Variants in ZNF385B observed in about 807,000 individuals in gnomAD.
ZNF385B encodes zinc finger protein 385B.
ZNF385B carries 23 observed loss-of-function variants against 39.2 expected under a neutral mutation model. The observed-to-expected ratio is 0.59, with a 90% CI of 0.42 to 0.83. The LOEUF (loss-of-function observed/expected upper bound fraction) is 0.83. ZNF385B is among the 40% of genes least tolerant of loss of function. The probability of loss-of-function intolerance (pLI) is 0.00; values close to 1 mark genes in which losing one functional copy is unlikely to be tolerated. For missense variants in ZNF385B, 552 were observed against 598.9 expected, an observed-to-expected ratio of 0.92 and a Z score of 0.82; for synonymous variants, 205 against 222.6, an observed-to-expected ratio of 0.92 and a Z score of 0.70.
chr2:179,516,532 C>A (rs1050616613), intron 5 of ZNF385B, among the ~76,000 whole-genome samples: 19 of 152,026 alleles, frequency 1.2e-4, no homozygotes, highest in Non-Finnish European at 1.5e-5. Context: ...AATCGTTAAA[C>A]ATGTTGAGCA....
chr2:179,789,856 T>C (rs1001517896), intron 1 of ZNF385B, among the ~76,000 whole-genome samples: 19 of 152,026 alleles, frequency 1.2e-4, no homozygotes, highest in African/African-American at 4.1e-4. Context: ...GAAATGGAAA[T>C]ATAAGGAAAT....
chr2:179,474,108 T>TAA (rs10715636), intron 6 of ZNF385B, among the ~76,000 whole-genome samples: 189 of 146,670 alleles, frequency 1.3e-3, no homozygotes, highest in African/African-American at 4.1e-3. Context: ...CAATTTGATT[T>TAA]AAAAAAAAAA....
chr2:179,792,370 C>CTTTTTTTTTTTTTTTTTTTTTTTTTT (rs1346808450), intron 1 of ZNF385B, among the ~76,000 whole-genome samples: 1 of 70,692 alleles, frequency 1.4e-5, no homozygotes. Context: ...ATTTCATTTT[C>CTTTTTTTTTTTTTTTTTTTTTTTTTT]TTTTCTTTTT....
chr2:179,780,076 T>C (rs1260208375), intron 1 of ZNF385B, among the ~76,000 whole-genome samples: 2 of 152,044 alleles, frequency 1.3e-5, no homozygotes, highest in East Asian at 1.9e-4. Context: ...GTGATTCTAA[T>C]GGGCAGCCAA....
chr2:179,765,605 C>T (rs1703641984), intron 3 of ZNF385B, among the ~76,000 whole-genome samples: 1 of 152,208 alleles, frequency 6.6e-6, no homozygotes, highest in Non-Finnish European at 1.5e-5. Context: ...CCCAGTCTAA[C>T]AGAAAAGACT....
intron 3 of ZNF385B, among the ~76,000 whole-genome samples, chr2:179,713,011 C>T (rs1316872434): frequency 6.6e-6 from 1 of 152,142 alleles, no homozygotes; most frequent in African/African-American, 2.4e-5. Flanking sequence ...CAGTCAACCA[C>T]GTGATCAGGA....
chr2:179,801,456 T>C (rs1706027930), intron 1 of ZNF385B, among the ~76,000 whole-genome samples: 1 of 152,072 alleles, frequency 6.6e-6, no homozygotes, highest in South Asian at 2.1e-4. Flanking sequence ...AGGGCATATT[T>C]GTTGGTGTAC....
intron 1 of ZNF385B, among the ~76,000 whole-genome samples, chr2:179,854,411 T>G (rs1684417101): frequency 6.6e-6 from 1 of 152,146 alleles, no homozygotes. Context: ...ATTTAATGAT[T>G]GTCTTTGAAT....
intron 5 of ZNF385B, among the ~76,000 whole-genome samples, chr2:179,500,151 G>C (rs766200438): frequency 6.6e-5 from 10 of 151,900 alleles, no homozygotes; most frequent in Non-Finnish European, 1.3e-4. Flanking sequence ...AAAGTGAAAG[G>C]ATATTCCATG....
chr2:179,543,766 G>C (rs1293451336), intron 4 of ZNF385B, among the ~76,000 whole-genome samples: 3 of 151,974 alleles, frequency 2.0e-5, no homozygotes, highest in Non-Finnish European at 4.4e-5. Context: ...TCTGTAAAAA[G>C]CTGGCTGATG....
At chr2:179,659,415 T>C (rs1339834129) in intron 3 of ZNF385B, among the ~76,000 whole-genome samples, 1 of 152,164 alleles carries the variant, frequency 6.6e-6, no homozygotes, top group Non-Finnish European at 1.5e-5. Flanking sequence ...CCAATGAAAT[T>C]CTTATTATGC....
intron 5 of ZNF385B, among the ~76,000 whole-genome samples, chr2:179,484,982 C>G (rs1188249917): frequency 6.6e-6 from 1 of 151,988 alleles, no homozygotes; most frequent in Non-Finnish European, 1.5e-5. Flanking sequence ...GGAACATCAT[C>G]AACATGAGGT....
chr2:179,531,605 A>C (rs1259908443), intron 4 of ZNF385B, among the ~76,000 whole-genome samples: 2 of 152,188 alleles, frequency 1.3e-5, no homozygotes, highest in Non-Finnish European at 2.9e-5. Context: ...ACTGCACTCC[A>C]GCCTGGGTGA....
intron 3 of ZNF385B, among the ~76,000 whole-genome samples, chr2:179,573,305 A>G (rs1333485409): frequency 1.3e-5 from 2 of 152,190 alleles, no homozygotes; most frequent in East Asian, 3.8e-4. Context: ...AAAATTCTGG[A>G]AGAAAAATTT....
chr2:179,831,664 C>T (rs1047949911), intron 1 of ZNF385B, among the ~76,000 whole-genome samples: 1 of 152,124 alleles, frequency 6.6e-6, no homozygotes, highest in African/African-American at 2.4e-5. Context: ...CTCTCATGGG[C>T]CCATAACTTT....
chr2:179,525,309 A>C (rs1281999601), intron 4 of ZNF385B, among the ~76,000 whole-genome samples: 1 of 152,184 alleles, frequency 6.6e-6, no homozygotes, highest in Admixed American at 6.5e-5. Context: ...AAGCGAGTCT[A>C]GGTTTTGTCT....
At position 179,445,442 on chromosome 2, in the gene ZNF385B, G is replaced by A. The variant is rs1474495223; in HGVS notation, c.1140+108C>T. The A allele has an allele frequency of 4.7e-6, 5 of 1,061,002 alleles. No individual in the cohort carries two copies. The African/African-American group carries it at 8.1e-5, about 17-fold the overall frequency. The allele number at this position is 1,061,002 out of a possible 1,614,324, so 65.7% of individuals were successfully genotyped here. A position where few individuals can be genotyped will look rare whatever the true frequency, so the allele number is the denominator to read the frequency against. Reference sequence around the variant, plus strand: ...TGCATATTGTCTGCATCCTACAAAAGTTAGTCAACTTAACTGTGAGCACAG... The same window carrying A: ...TGCATATTGTCTGCATCCTACAAAAATTAGTCAACTTAACTGTGAGCACAG... On this transcript the variant is annotated intron_variant, in intron 8 of 9. Transcript: ENST00000410066.
At position 179,687,563 on chromosome 2, in the gene ZNF385B, T is replaced by C. The variant is rs184467280; in HGVS notation, c.298+81940A>G. On this transcript the variant is annotated intron_variant, in intron 3 of 9. Coordinates refer to ENST00000410066, the MANE Select transcript of ZNF385B (RefSeq NM_152520.6). ...AACCCCAGTGAATTATCTAGAATTATCCAGGGGATGAAAAAGGAGCTACTA... is the reference window on the plus strand; with the variant it reads ...AACCCCAGTGAATTATCTAGAATTACCCAGGGGATGAAAAAGGAGCTACTA... 5.3e-3 allele frequency among the ~76,000 whole-genome samples: 802 copies of C among 152,342 alleles called. 1 individual carries two copies. The highest frequency in any genetic ancestry group is 7.8e-3 in the Non-Finnish European group (534 of 68,034).
chr2:179,667,433 A>G (rs1243052367), intron 3 of ZNF385B, among the ~76,000 whole-genome samples: 1 of 152,182 alleles, frequency 6.6e-6, no homozygotes, highest in African/African-American at 2.4e-5. Context: ...TTAAGGCAGA[A>G]TACAAGAAAT....
Sources: gnomAD v4.1 joint callset for allele counts (sites outside exome capture counted in the v4.1 genomes callset) on GRCh38, gnomAD v4.1.1 for gene constraint, MANE v1.5 for transcripts, NCBI Gene and HGNC (gene_info 2026-07-23, HGNC 2026-07-21) for gene names.